ADAMTSL1: variants seen among roughly 807,000 people sequenced by gnomAD.
The protein encoded by ADAMTSL1 is ADAMTS like 1.
ADAMTSL1 carries 126 observed loss-of-function variants against 201.8 expected under a neutral mutation model. That is an observed-to-expected ratio of 0.62 (90% CI 0.54 to 0.72). ADAMTSL1 has a LOEUF of 0.72. ADAMTSL1 is among the 30% of genes least tolerant of loss of function. The probability of loss-of-function intolerance (pLI) is 0.00; values close to 1 mark genes in which losing one functional copy is unlikely to be tolerated. For synonymous variants in ADAMTSL1, 1,121 were observed against 903.4 expected, an observed-to-expected ratio of 1.24 and a Z score of -4.32; for missense variants, 2,679 against 2,277.8, an observed-to-expected ratio of 1.18 and a Z score of -3.59.
At chr9:17,987,162 T>A (rs951390543) in intron 1 of ADAMTSL1, among the ~76,000 whole-genome samples, 1 of 152,044 alleles carries the variant, frequency 6.6e-6, no homozygotes, top group African/African-American at 2.4e-5. Flanking sequence ...AGAGAGTTAG[T>A]GTTTTACATT....
At chr9:18,383,553 A>C (rs1051706631) in intron 2 of ADAMTSL1, among the ~76,000 whole-genome samples, 22 of 152,098 alleles carry the variant, frequency 1.4e-4, no homozygotes, top group Admixed American at 9.2e-4. Flanking sequence ...ACTTTAAGCC[A>C]CTGTGTTTCA....
chr9:18,722,489 A>C (rs1833453243), intron 15 of ADAMTSL1, among the ~76,000 whole-genome samples: 1 of 152,198 alleles, frequency 6.6e-6, no homozygotes, highest in Non-Finnish European at 1.5e-5. Flanking sequence ...AAAGTGTGTC[A>C]TGTAAGAAGT....
chr9:18,591,072 T>C (rs1405551879), intron 4 of ADAMTSL1, among the ~76,000 whole-genome samples: 1 of 152,184 alleles, frequency 6.6e-6, no homozygotes, highest in African/African-American at 2.4e-5. Context: ...TTAACCCTGA[T>C]GCTTTTTTGT....
intron 12 of ADAMTSL1, 107 bp from the exon 13 acceptor site, chr9:18,684,609 G>A (rs550075100): frequency 3.3e-5 from 41 of 1,235,644 alleles, no homozygotes; most frequent in East Asian, 5.5e-5. Context: ...AAACTTATTC[G>A]TGTTGGTCAA....
At chr9:18,789,118 C>A (rs927290152) in intron 19 of ADAMTSL1, among the ~76,000 whole-genome samples, 1 of 152,164 alleles carries the variant, frequency 6.6e-6, no homozygotes, top group Non-Finnish European at 1.5e-5. Context: ...CTCTACATTT[C>A]TCATTTCCCC....
intron 4 of ADAMTSL1, among the ~76,000 whole-genome samples, chr9:18,604,246 A>T (rs1013927024): frequency 1.3e-5 from 2 of 152,242 alleles, no homozygotes; most frequent in Non-Finnish European, 2.9e-5. Context: ...CGTGCCTGTG[A>T]GCATGTCCAA....
chr9:18,194,064 AAGAGGAC>A (rs1164445747), intron 2 of ADAMTSL1, among the ~76,000 whole-genome samples: 1 of 152,098 alleles, frequency 6.6e-6, no homozygotes, highest in Admixed American at 6.6e-5. Flanking sequence ...AAACCTACTG[AAGAGGAC>A]AGTTGGAGTG....
intron 1 of ADAMTSL1, among the ~76,000 whole-genome samples, chr9:18,055,559 G>A (rs1426893024): frequency 2.0e-5 from 3 of 152,214 alleles, no homozygotes; most frequent in Non-Finnish European, 4.4e-5. Context: ...ATAGACCAAA[G>A]TGATGTTTGC....
intron 2 of ADAMTSL1, among the ~76,000 whole-genome samples, chr9:18,215,354 A>T (rs1830021766): frequency 6.6e-6 from 1 of 152,216 alleles, no homozygotes; most frequent in Non-Finnish European, 1.5e-5. Flanking sequence ...ATATAAGGAA[A>T]TTTATGGGAA....
intron 14 of ADAMTSL1, among the ~76,000 whole-genome samples, chr9:18,711,585 C>A (rs570808898): frequency 6.6e-6 from 1 of 152,242 alleles, no homozygotes; most frequent in African/African-American, 2.4e-5. Context: ...GCACCTGGCT[C>A]GGAGGGTCCT....
chr9:18,406,971 A>T (rs1190331994), intron 2 of ADAMTSL1, among the ~76,000 whole-genome samples: 1 of 152,222 alleles, frequency 6.6e-6, no homozygotes, highest in East Asian at 1.9e-4. Context: ...GGTTTATAAC[A>T]ATAAAAGATT....
intron 23 of ADAMTSL1, among the ~76,000 whole-genome samples, chr9:18,885,260 G>T (rs1328687788): frequency 1.3e-5 from 2 of 152,260 alleles, no homozygotes; most frequent in Non-Finnish European, 2.9e-5. Flanking sequence ...ACAAATAAGG[G>T]CTGAATTCAC....
At chr9:18,418,976 G>A (rs11790212) in intron 2 of ADAMTSL1, among the ~76,000 whole-genome samples, 12,556 of 152,248 alleles carry the variant, frequency 0.082, 691 homozygotes, top group Non-Finnish European at 0.12. Flanking sequence ...GGTGGTATCG[G>A]CAAAGAGAGA....
At chr9:18,656,798 C>T (rs1330884702) in intron 7 of ADAMTSL1, among the ~76,000 whole-genome samples, 1 of 151,818 alleles carries the variant, frequency 6.6e-6, no homozygotes, top group Non-Finnish European at 1.5e-5. Flanking sequence ...CAAACCTTGC[C>T]CAACAGTCTA....
At chr9:18,352,199 T>G (rs890695546) in intron 2 of ADAMTSL1, among the ~76,000 whole-genome samples, 2 of 152,206 alleles carry the variant, frequency 1.3e-5, no homozygotes. Context: ...GCATATACTA[T>G]AGATACTGAT....
intron 2 of ADAMTSL1, among the ~76,000 whole-genome samples, chr9:18,397,247 C>G (rs959740525): frequency 6.6e-5 from 10 of 152,054 alleles, no homozygotes; most frequent in African/African-American, 2.2e-4. Flanking sequence ...GTTGAGAGTG[C>G]CTTGCTTCCT....
intron 1 of ADAMTSL1, among the ~76,000 whole-genome samples, chr9:17,945,258 A>C (rs981846184): frequency 7.3e-6 from 1 of 137,516 alleles, no homozygotes; most frequent in African/African-American, 2.8e-5. Context: ...AATCAAAACC[A>C]CAATGAGATA....
chr9:18,122,625 T>C (rs1825549926), intron 1 of ADAMTSL1, among the ~76,000 whole-genome samples: 1 of 152,198 alleles, frequency 6.6e-6, no homozygotes, highest in Non-Finnish European at 1.5e-5. Flanking sequence ...TACAAAATTC[T>C]GATTTTATAA....
At chr9:18,479,852 G>A (rs1409614350) in intron 1 of ADAMTSL1, among the ~76,000 whole-genome samples, 1 of 152,186 alleles carries the variant, frequency 6.6e-6, no homozygotes, top group African/African-American at 2.4e-5. Flanking sequence ...AAAAATGTCA[G>A]CATTCATTTT....
Sources: gnomAD v4.1 joint callset for allele counts (sites outside exome capture counted in the v4.1 genomes callset) on GRCh38, gnomAD v4.1.1 for gene constraint, MANE v1.5 for transcripts, NCBI Gene and HGNC (gene_info 2026-07-23, HGNC 2026-07-21) for gene names.